The following NPAS2 variants were observed in gnomAD, a reference collection of about 807,000 sequenced individuals.
NPAS2 encodes neuronal PAS domain protein 2, also known as neuronal PAS domain-containing protein 2.
NPAS2 carries 23 observed loss-of-function variants against 107.5 expected under a neutral mutation model. The ratio of observed to expected loss-of-function variants is 0.21; its 90% CI spans 0.15 to 0.30. NPAS2 has a LOEUF of 0.30. NPAS2 is among the 10% of genes least tolerant of loss of function. The pLI is 1.00. For missense variants in NPAS2, 756 were observed against 1,043.3 expected, an observed-to-expected ratio of 0.72 and a Z score of 3.79; for synonymous variants, 403 against 417.5, an observed-to-expected ratio of 0.97 and a Z score of 0.42.
chr2:100,848,257 A>G (rs1558803953), intron 1 of NPAS2, among the ~76,000 whole-genome samples: 1 of 152,204 alleles, frequency 6.6e-6, no homozygotes, highest in Non-Finnish European at 1.5e-5. Context: ...TGGTCTGCCC[A>G]GCCCTGCTTT....
intron 7 of NPAS2, 72 bp from the exon 8 acceptor site, chr2:100,963,986 G>A (rs1166227523): frequency 8.8e-6 from 8 of 907,550 alleles, no homozygotes; most frequent in Non-Finnish European, 1.5e-5. Flanking sequence ...TTACAGTTAA[G>A]TGCCAACTAG....
chr2:100,881,356 G>T (rs1438279857), intron 1 of NPAS2, among the ~76,000 whole-genome samples: 1 of 152,148 alleles, frequency 6.6e-6, no homozygotes, highest in Non-Finnish European at 1.5e-5. Context: ...ACTTTAGCAA[G>T]ATCCCAGGGG....
At chr2:100,978,520 TA>T (rs558312389) in intron 15 of NPAS2, among the ~76,000 whole-genome samples, 1 of 142,334 alleles carries the variant, frequency 7.0e-6, no homozygotes, top group African/African-American at 2.8e-5. Flanking sequence ...CACATTTGTT[TA>T]AAAAAAAAGA....
rs549261834 is a variant in NPAS2, at chr2:100,830,027, T to C, written c.-23+9613T>C. ...GTCAACAGACCACACAAGAAAAAGA[T>C]ACCTTGAAAGCAAAAACAACCTATC... is the stretch of plus-strand genomic sequence containing the variant. On this transcript the variant is annotated intron_variant, in intron 1 of 20. Coordinates refer to ENST00000335681, the MANE Select transcript of NPAS2 (RefSeq NM_002518.4). Among the ~76,000 whole-genome samples, 6 of 152,212 alleles carry C rather than the reference T, an allele frequency of 3.9e-5. No homozygotes were observed. The East Asian group carries it at 7.7e-4, about 20-fold the overall frequency.
intron 1 of NPAS2, among the ~76,000 whole-genome samples, chr2:100,869,161 C>A (rs1679420373): frequency 6.6e-6 from 1 of 151,676 alleles, no homozygotes; most frequent in African/African-American, 2.4e-5. Context: ...GTCTCAAACT[C>A]CTGACCTCAA....
intron 7 of NPAS2, among the ~76,000 whole-genome samples, chr2:100,962,308 A>G (rs1047707302): frequency 1.3e-5 from 2 of 151,894 alleles, no homozygotes; most frequent in Admixed American, 1.3e-4. Flanking sequence ...AAACCTATAA[A>G]TATATATATT....
At chr2:100,861,945 T>C (rs893328248) in intron 1 of NPAS2, among the ~76,000 whole-genome samples, 4 of 152,196 alleles carry the variant, frequency 2.6e-5, no homozygotes, top group African/African-American at 9.7e-5. Flanking sequence ...TTTTTTGTAT[T>C]AAGGGATCTG....
At chr2:100,833,436 A>G (rs137880483) in intron 1 of NPAS2, among the ~76,000 whole-genome samples, 9 of 152,366 alleles carry the variant, frequency 5.9e-5, no homozygotes, top group South Asian at 2.1e-4. Flanking sequence ...GCCAGCCTCA[A>G]GGTGTTTTCT....
At chr2:100,887,811 G>A (rs1043829774) in intron 1 of NPAS2, among the ~76,000 whole-genome samples, 1 of 152,082 alleles carries the variant, frequency 6.6e-6, no homozygotes, top group South Asian at 2.1e-4. Context: ...GGCCTGGGCT[G>A]GTGCCGGCAC....
chr2:100,906,694 G>A (rs1052292126), intron 2 of NPAS2, among the ~76,000 whole-genome samples: 9 of 152,296 alleles, frequency 5.9e-5, no homozygotes, highest in Non-Finnish European at 1.3e-4. Flanking sequence ...GGGTTCAAGC[G>A]CAGGCCATTC....
chr2:100,945,500 T>G (rs1674835155), intron 5 of NPAS2, among the ~76,000 whole-genome samples: 1 of 152,212 alleles, frequency 6.6e-6, no homozygotes, highest in Non-Finnish European at 1.5e-5. Flanking sequence ...CCTTCCAGAC[T>G]ACAAGCAGGA....
chr2:100,930,856 A>G (rs1319733885), intron 3 of NPAS2, among the ~76,000 whole-genome samples: 2 of 152,162 alleles, frequency 1.3e-5, no homozygotes, highest in Non-Finnish European at 2.9e-5. Context: ...TGCCATAAAG[A>G]CTCTTCTGCT....
At chr2:100,990,219 T>A in intron 17 of NPAS2, 37 bp from the exon 18 acceptor site, 1 of 1,602,374 alleles carries the variant, frequency 6.2e-7, no homozygotes, top group Non-Finnish European at 8.5e-7. Flanking sequence ...CAGGGTTGAG[T>A]CCAAGTCTTA....
chr2:100,835,162 GC>G (rs1295001126), intron 1 of NPAS2, among the ~76,000 whole-genome samples: 1 of 151,776 alleles, frequency 6.6e-6, no homozygotes, highest in Non-Finnish European at 1.5e-5. Flanking sequence ...TTGGAGGGAA[GC>G]ACTATGCTCT....
At chr2:100,877,859 G>A in intron 1 of NPAS2, 4 of 556,252 alleles carry the variant, frequency 7.2e-6, no homozygotes, top group Non-Finnish European at 9.1e-6. Context: ...TTCACATACT[G>A]CCTTGTAAGA....
At chr2:100,823,705 A>G (rs1314838359) in intron 1 of NPAS2, 1 of 152,200 alleles carries the variant, frequency 6.6e-6, no homozygotes, top group African/African-American at 2.4e-5. Flanking sequence ...TAAAAAAATG[A>G]GAAGATGGGT....
At position 100,965,553 on chromosome 2, in the gene NPAS2, T is replaced by G; in HGVS notation, c.801-107T>G. Reference sequence around the variant, plus strand: ...AAAGTTATTTTTCTCCCCTTGTTCTTGAGAAATGAGGCCTCCATGTTGATC... The same window carrying G: ...AAAGTTATTTTTCTCCCCTTGTTCTGGAGAAATGAGGCCTCCATGTTGATC... On this transcript the variant is annotated intron_variant, in intron 9 of 20. Coordinates refer to ENST00000335681, the MANE Select transcript of NPAS2 (RefSeq NM_002518.4). This position sits in a 1 kb window ranked among gnomAD's most constrained non-coding sequence, Gnocchi z 4.3. 1.5e-6 allele frequency: 1 copy of G among 663,496 alleles called. No individual in the cohort carries two copies. Among genetic ancestry groups the G allele is most frequent in the Non-Finnish European group, 2.7e-6 (1 of 376,802 alleles). The allele number at this position is 663,496 out of a possible 1,614,324, so 41.1% of individuals were successfully genotyped here. A position where few individuals can be genotyped will look rare whatever the true frequency, so the allele number is the denominator to read the frequency against.
In NPAS2 at chr2:100,941,254, A is replaced by G. The variant is rs1674557671; in HGVS notation, c.363+3412A>G. ...GAGAAAAAAGAGAATAAAATAGCTG[A>G]AAGTGAAAGTGATTTTAAGATGAGA... On this transcript the variant is annotated intron_variant, in intron 5 of 20. Coordinates refer to ENST00000335681, the MANE Select transcript of NPAS2 (RefSeq NM_002518.4). 2.6e-5 allele frequency among the ~76,000 whole-genome samples: 4 copies of G among 152,218 alleles called. No homozygotes were observed. In the South Asian group the frequency reaches 8.3e-4, roughly 31 times the overall value.
At chr2:100,828,214 G>A (rs1296179914) in intron 1 of NPAS2, among the ~76,000 whole-genome samples, 1 of 152,034 alleles carries the variant, frequency 6.6e-6, no homozygotes, top group Non-Finnish European at 1.5e-5. Context: ...TTTGAGAAGT[G>A]TCTGTTCATG....
Sources: allele counts gnomAD v4.1 joint callset (sites outside exome capture counted in the v4.1 genomes callset), GRCh38; gene constraint gnomAD v4.1.1; non-coding constraint Gnocchi (gnomAD v3.1); transcripts MANE v1.5; gene names NCBI Gene and HGNC (gene_info 2026-07-23, HGNC 2026-07-21).